LUZP2: variants seen among roughly 807,000 people sequenced by gnomAD.
LUZP2 encodes the protein leucine zipper protein 2.
Under a neutral mutation model 51.6 loss-of-function variants are expected in LUZP2, and 52 were observed. The ratio of observed to expected loss-of-function variants is 1.01; its 90% CI spans 0.81 to 1.27. The LOEUF (loss-of-function observed/expected upper bound fraction) is 1.27, where lower values mean the gene tolerates loss of function less well. Ranked by LOEUF, LUZP2 falls within the 50% of genes most tolerant of loss-of-function variation. The pLI, the probability that LUZP2 is intolerant of heterozygous loss-of-function variation, is 0.00. For synonymous variants in LUZP2, 154 were observed against 137.3 expected (o/e 1.12, Z -0.85); for missense variants, 436 against 395.4 (o/e 1.10, Z -0.87).
chr11:24,724,932 A>C (rs139217746), intron 1 of LUZP2, among the ~76,000 whole-genome samples: 5 of 152,344 alleles, frequency 3.3e-5, no homozygotes, highest in Admixed American at 2.6e-4. Context: ...AGTCTAACAA[A>C]AAATGAGTAA....
intron 5 of LUZP2, among the ~76,000 whole-genome samples, chr11:24,765,520 G>A (rs190207220): frequency 1.5e-4 from 23 of 152,022 alleles, no homozygotes; most frequent in Non-Finnish European, 2.5e-4. Flanking sequence ...ACAACCGTAT[G>A]GGTTTTGTTT....
intron 5 of LUZP2, among the ~76,000 whole-genome samples, chr11:24,845,961 T>G (rs1217851574): frequency 2.0e-5 from 3 of 152,160 alleles, no homozygotes; most frequent in Non-Finnish European, 4.4e-5. Flanking sequence ...GATAGGAATT[T>G]ACTTAACATG....
At chr11:24,595,531 A>C (rs1176757291) in intron 1 of LUZP2, among the ~76,000 whole-genome samples, 1 of 152,164 alleles carries the variant, frequency 6.6e-6, no homozygotes, top group African/African-American at 2.4e-5. Flanking sequence ...GAACATCAAA[A>C]CCAAAGTGCA....
intron 1 of LUZP2, among the ~76,000 whole-genome samples, chr11:24,553,050 C>T (rs1467984308): frequency 6.6e-6 from 1 of 151,284 alleles, no homozygotes; most frequent in Admixed American, 6.6e-5. Context: ...ATACTGTAGA[C>T]CTTGAGGTCA....
At chr11:24,739,744 G>A (rs117981610) in intron 4 of LUZP2, among the ~76,000 whole-genome samples, 2,628 of 152,174 alleles carry the variant, frequency 0.017, 32 homozygotes, top group Non-Finnish European at 0.025. Context: ...TCTGTCATCT[G>A]CAACAGCTGA....
chr11:24,999,613 A>C (rs1446791811), intron 9 of LUZP2, among the ~76,000 whole-genome samples: 1 of 123,742 alleles, frequency 8.1e-6, no homozygotes, highest in Non-Finnish European at 1.9e-5. Flanking sequence ...TGATCTGCCC[A>C]CCTCGGCCTC....
intron 1 of LUZP2, among the ~76,000 whole-genome samples, chr11:24,529,472 C>T (rs183263092): frequency 1.3e-3 from 194 of 151,066 alleles, no homozygotes; most frequent in Non-Finnish European, 1.7e-3. Context: ...GTAGGGATTT[C>T]TGAGAAGGAA....
chr11:24,920,960 TA>T (rs1288153643), intron 7 of LUZP2, among the ~76,000 whole-genome samples: 1 of 151,964 alleles, frequency 6.6e-6, no homozygotes, highest in Non-Finnish European at 1.5e-5. Context: ...AAAAAGAAAA[TA>T]TTTTTAAAAA....
At chr11:24,619,518 C>A (rs1768134025) in intron 1 of LUZP2, among the ~76,000 whole-genome samples, 1 of 152,050 alleles carries the variant, frequency 6.6e-6, no homozygotes, top group African/African-American at 2.4e-5. Context: ...GGCTTCCTGA[C>A]ATTTAATCTC....
At chr11:24,748,464 C>CTTT (rs34396396) in intron 4 of LUZP2, among the ~76,000 whole-genome samples, 2 of 142,892 alleles carry the variant, frequency 1.4e-5, no homozygotes, top group Admixed American at 1.4e-4. Context: ...TGTTAACTTC[C>CTTT]TTTTTTTTTT....
At chr11:24,888,606 C>T (rs1852745662) in intron 5 of LUZP2, among the ~76,000 whole-genome samples, 1 of 152,104 alleles carries the variant, frequency 6.6e-6, no homozygotes, top group Non-Finnish European at 1.5e-5. Context: ...GACACATACG[C>T]ATGCTGAGTT....
At chr11:24,735,692 C>T (rs958345702) in intron 3 of LUZP2, among the ~76,000 whole-genome samples, 1 of 151,672 alleles carries the variant, frequency 6.6e-6, no homozygotes, top group South Asian at 2.1e-4. Context: ...GAATAATGGT[C>T]CTTTAAAATT....
chr11:24,841,714 T>C (rs1373012201), intron 5 of LUZP2, among the ~76,000 whole-genome samples: 2 of 152,072 alleles, frequency 1.3e-5, no homozygotes, highest in Non-Finnish European at 2.9e-5. Flanking sequence ...AAATGTCACA[T>C]ACAAAATTAA....
intron 1 of LUZP2, among the ~76,000 whole-genome samples, chr11:24,634,863 A>C (rs1040207357): frequency 2.0e-5 from 3 of 152,132 alleles, no homozygotes; most frequent in African/African-American, 7.2e-5. Flanking sequence ...TGTGACTTGG[A>C]ACAGATACAG....
chr11:25,014,830 C>T (rs926477980), intron 9 of LUZP2, among the ~76,000 whole-genome samples: 3 of 152,054 alleles, frequency 2.0e-5, no homozygotes, highest in Non-Finnish European at 2.9e-5. Flanking sequence ...TTGCCCATGC[C>T]TATGTCCTGA....
chr11:24,596,848 C>T (rs1048024163), intron 1 of LUZP2, among the ~76,000 whole-genome samples: 5 of 152,126 alleles, frequency 3.3e-5, no homozygotes, highest in Non-Finnish European at 5.9e-5. Flanking sequence ...TTGATTGCTA[C>T]GATATGCTGC....
At chr11:24,918,555 C>T (rs1433547057) in intron 7 of LUZP2, among the ~76,000 whole-genome samples, 2 of 151,420 alleles carry the variant, frequency 1.3e-5, no homozygotes, top group South Asian at 2.1e-4. Context: ...ATTGATGGGA[C>T]GTATCTCAAA....
chr11:25,067,289 A>G (rs1028143178), intron 10 of LUZP2, among the ~76,000 whole-genome samples: 2 of 152,076 alleles, frequency 1.3e-5, no homozygotes, highest in Non-Finnish European at 2.9e-5. Flanking sequence ...GCCCTTTGTC[A>G]GATGAATAGA....
At chr11:24,538,830 A>T (rs1289415019) in intron 1 of LUZP2, among the ~76,000 whole-genome samples, 1 of 151,876 alleles carries the variant, frequency 6.6e-6, no homozygotes, top group Non-Finnish European at 1.5e-5. Context: ...AATTGATTAA[A>T]TACATTGTGC....
Sources: gnomAD v4.1 joint callset for allele counts (sites outside exome capture counted in the v4.1 genomes callset) on GRCh38, gnomAD v4.1.1 for gene constraint, MANE v1.5 for transcripts, NCBI Gene and HGNC (gene_info 2026-07-23, HGNC 2026-07-21) for gene names.